The following VPS13A variants were observed in gnomAD, a reference collection of about 807,000 sequenced individuals.
VPS13A encodes intermembrane lipid transfer protein VPS13A.
In VPS13A, 264 loss-of-function variants were observed where a neutral mutation model predicts 390.9. The ratio of observed to expected loss-of-function variants is 0.68; its 90% CI spans 0.61 to 0.75. The LOEUF is 0.75. Among genes scored for constraint, VPS13A ranks in the 30% least tolerant of loss-of-function variants. VPS13A has a pLI of 0.00. For synonymous variants in VPS13A, 1,231 were observed against 1,227.1 expected (o/e 1.00, Z -0.07); for missense variants, 3,409 against 3,733.9 (o/e 0.91, Z 2.27).
chr9:77,383,981 T>G (rs1333732438), intron 68 of VPS13A, among the ~76,000 whole-genome samples: 1 of 149,558 alleles, frequency 6.7e-6, no homozygotes, highest in African/African-American at 2.4e-5. Context: ...TTTTTTTTAA[T>G]CAAAGCTCTA....
chr9:77,293,225 G>C (rs761713624), intron 31 of VPS13A, 116 bp from the exon 32 acceptor site: 9 of 925,414 alleles, frequency 9.7e-6, no homozygotes, highest in Non-Finnish European at 1.5e-5. Flanking sequence ...TACTTGGCTT[G>C]TGAATACTTG....
chr9:77,284,108 TAAG>T (rs1051106840), intron 31 of VPS13A, among the ~76,000 whole-genome samples: 3 of 152,082 alleles, frequency 2.0e-5, no homozygotes, highest in Non-Finnish European at 2.9e-5. Context: ...GTAATAATGA[TAAG>T]AGAGTCCTTT....
intron 13 of VPS13A, among the ~76,000 whole-genome samples, chr9:77,225,590 C>T (rs1823463704): frequency 6.6e-6 from 1 of 152,072 alleles, no homozygotes; most frequent in African/African-American, 2.4e-5. Context: ...TATGTTTACC[C>T]TTATCTGTAG....
At chr9:77,396,039 TC>T (rs1219794301) in intron 68 of VPS13A, among the ~76,000 whole-genome samples, 1 of 152,134 alleles carries the variant, frequency 6.6e-6, no homozygotes, top group Non-Finnish European at 1.5e-5. Flanking sequence ...TAAATGTTGA[TC>T]CATTAGAGGT....
At position 77,356,848 on chromosome 9, in the gene VPS13A, A is replaced by G. The variant is rs1165580130; in HGVS notation, c.7787A>G (p.Gln2596Arg). 1 of 1,613,916 alleles carries G rather than the reference A, an allele frequency of 6.2e-7. No individual in the cohort carries two copies. Among genetic ancestry groups the G allele is most frequent in the Non-Finnish European group, 8.5e-7 (1 of 1,179,930 alleles). ...ESSPSEDKVI[Q>R]LDTNVPVRLT... is the part of the protein sequence containing the mutation. ...TCTCCTTCAGAAGATAAGGTTATTC[A>G]GTTGGACACTAATGTTCCGGTAATA... Residue 2596 changes from glutamine to arginine, a missense_variant, in exon 55 of 72, where the codon CAG becomes CGG. Transcript: ENST00000360280.
intron 50 of VPS13A, among the ~76,000 whole-genome samples, chr9:77,343,012 A>G (rs1209577859): frequency 6.6e-6 from 1 of 152,178 alleles, no homozygotes; most frequent in East Asian, 1.9e-4. Flanking sequence ...GTAGACAAAA[A>G]GTGTCTTCAC....
At position 77,382,005 on chromosome 9, in the gene VPS13A, T is replaced by G; in HGVS notation, c.9107T>G (p.Leu3036Arg). ...RATETSEVES[L>R]RPPRFFNEDG... ...ACAGAGACTTCTGAAGTGGAGAGTC[T>G]GCGACCTCCTCGGTTCTTCAATGAA... Residue 3036 changes from leucine (L) to arginine (R), a missense_variant, in exon 68 of 72, where the codon CTG becomes CGG. Coordinates refer to ENST00000360280, the MANE Select transcript of VPS13A (RefSeq NM_033305.3). 1 of 1,607,300 alleles carries G rather than the reference T, an allele frequency of 6.2e-7. No individual in the cohort carries two copies. Among genetic ancestry groups the G allele is most frequent in the East Asian group, 2.2e-5 (1 of 44,500 alleles).
At chr9:77,234,787 A>G (rs964450458) in intron 17 of VPS13A, among the ~76,000 whole-genome samples, 4 of 151,926 alleles carry the variant, frequency 2.6e-5, no homozygotes, top group African/African-American at 9.7e-5. Context: ...TGGGGGATAT[A>G]TTTTTATTTC....
At chr9:77,264,889 A>G (rs1825946813) in intron 23 of VPS13A, among the ~76,000 whole-genome samples, 1 of 152,200 alleles carries the variant, frequency 6.6e-6, no homozygotes, top group African/African-American at 2.4e-5. Context: ...TTCAAAGGGA[A>G]TGCTTCCAGT....
intron 19 of VPS13A, among the ~76,000 whole-genome samples, chr9:77,246,075 T>A (rs1049059964): frequency 6.6e-6 from 1 of 152,168 alleles, no homozygotes; most frequent in African/African-American, 2.4e-5. Context: ...TCTGCCCCCA[T>A]GACCCAGACA....
intron 68 of VPS13A, among the ~76,000 whole-genome samples, chr9:77,391,468 A>G (rs1833895591): frequency 6.6e-6 from 1 of 152,114 alleles, no homozygotes. Flanking sequence ...AGGAAGCACC[A>G]TGTTTTTTGG....
chr9:77,399,190 A>AT (rs1563990851), intron 68 of VPS13A, among the ~76,000 whole-genome samples: 70 of 140,592 alleles, frequency 5.0e-4, no homozygotes, highest in African/African-American at 1.8e-3. Context: ...ATAAAAAAAA[A>AT]AAAAAAAAAA....
intron 23 of VPS13A, among the ~76,000 whole-genome samples, chr9:77,268,039 T>A (rs1405797584): frequency 1.3e-5 from 2 of 152,226 alleles, no homozygotes; most frequent in Non-Finnish European, 2.9e-5. Flanking sequence ...CCAGGTTGAC[T>A]TCAGACTGCT....
At chr9:77,226,669 A>C (rs527714218) in intron 15 of VPS13A, 71 bp downstream of exon 15, 1 of 1,457,972 alleles carries the variant, frequency 6.9e-7, no homozygotes, top group South Asian at 1.3e-5. Flanking sequence ...TTTTTTGCCT[A>C]ATTAAAGTAA....
At chr9:77,329,198 C>G (rs991413220) in intron 45 of VPS13A, among the ~76,000 whole-genome samples, 1 of 152,172 alleles carries the variant, frequency 6.6e-6, no homozygotes, top group Non-Finnish European at 1.5e-5. Context: ...ATATCCAGAC[C>G]ACTAGAGTAT....
chr9:77,285,406 T>G (rs1157359160), intron 31 of VPS13A, among the ~76,000 whole-genome samples: 1 of 152,206 alleles, frequency 6.6e-6, no homozygotes. Flanking sequence ...ACAAATACTG[T>G]TTTTATTTAT....
In VPS13A at chr9:77,301,291, C is replaced by T. The variant is rs115872803; in HGVS notation, c.3813-1624C>T. The stretch of plus-strand genomic sequence containing the variant: ...AAGGTTAATTAAAATACTAGTATAG[C>T]CATTTATTCTGATATGGCTATTAAA... On this transcript the variant is annotated intron_variant, in intron 33 of 71. Transcript: ENST00000360280. 5.6e-3 allele frequency among the ~76,000 whole-genome samples: 857 copies of T among 152,110 alleles called. 9 individuals carry two copies. Among genetic ancestry groups the T allele is most frequent in the African/African-American group, 0.02 (811 of 41,500 alleles).
chr9:77,359,098 A>G (rs916268212), intron 57 of VPS13A, among the ~76,000 whole-genome samples: 7 of 152,222 alleles, frequency 4.6e-5, no homozygotes, highest in Non-Finnish European at 8.8e-5. Flanking sequence ...TCTAATGCAT[A>G]CTTCTAAACT....
intron 68 of VPS13A, among the ~76,000 whole-genome samples, chr9:77,402,868 ATT>A: frequency 6.6e-6 from 1 of 152,320 alleles, no homozygotes; most frequent in Middle Eastern, 3.4e-3. Flanking sequence ...ATATGTTTAG[ATT>A]TGTGTTAGTA....
Sources: gnomAD v4.1 joint callset for allele counts (sites outside exome capture counted in the v4.1 genomes callset) on GRCh38, gnomAD v4.1.1 for gene constraint, MANE v1.5 for transcripts, NCBI Gene and HGNC (gene_info 2026-07-23, HGNC 2026-07-21) for gene names.